Variants in PEAK1 observed in about 807,000 individuals in gnomAD.
PEAK1 encodes pseudopodium enriched atypical kinase 1, also known as inactive tyrosine-protein kinase PEAK1.
In PEAK1, 54 loss-of-function variants were observed where a neutral mutation model predicts 124.7. The ratio of observed to expected loss-of-function variants is 0.43; its 90% CI spans 0.35 to 0.54. PEAK1 has a LOEUF of 0.54. Among genes scored for constraint, PEAK1 ranks in the 20% least tolerant of loss-of-function variants. The pLI, the probability that PEAK1 is intolerant of heterozygous loss-of-function variation, is 0.01. For missense variants in PEAK1, 2,046 were observed against 2,134.5 expected (o/e 0.96, Z 0.82); for synonymous variants, 719 against 760.0 (o/e 0.95, Z 0.89).
chr15:77,347,085 G>A (rs2066915443), intron 2 of PEAK1: 1 of 443,126 alleles, frequency 2.3e-6, no homozygotes, highest in Non-Finnish European at 3.0e-6. Context: ...TCCTTGCAGA[G>A]GGACAAGGAG....
intron 1 of PEAK1, among the ~76,000 whole-genome samples, chr15:77,376,409 C>T (rs527264300): frequency 2.0e-5 from 3 of 152,246 alleles, no homozygotes; most frequent in East Asian, 1.9e-4. Context: ...GAAGTACCTG[C>T]TCTTGAGGTT....
At chr15:77,196,408 T>C (rs1427147113) in intron 6 of PEAK1, among the ~76,000 whole-genome samples, 1 of 152,248 alleles carries the variant, frequency 6.6e-6, no homozygotes, top group Non-Finnish European at 1.5e-5. Flanking sequence ...TAGCTCCTCA[T>C]ACTCATCACT....
intron 2 of PEAK1, among the ~76,000 whole-genome samples, chr15:77,314,792 G>C (rs893075996): frequency 3.9e-5 from 6 of 152,160 alleles, no homozygotes; most frequent in Non-Finnish European, 7.3e-5. Flanking sequence ...TAAATGTACA[G>C]AGTAACGTAT....
At chr15:77,316,636 T>TC (rs2064893324) in intron 2 of PEAK1, among the ~76,000 whole-genome samples, 1 of 152,170 alleles carries the variant, frequency 6.6e-6, no homozygotes, top group Non-Finnish European at 1.5e-5. Context: ...CATCGTAGTT[T>TC]CCCCACCATG....
intron 6 of PEAK1, among the ~76,000 whole-genome samples, chr15:77,240,787 T>G (rs1385232374): frequency 6.6e-6 from 1 of 152,112 alleles, no homozygotes; most frequent in East Asian, 1.9e-4. Context: ...CAATATATAT[T>G]AACATAGTAA....
intron 2 of PEAK1, chr15:77,337,872 C>T (rs907801263): frequency 4.1e-6 from 4 of 985,130 alleles, no homozygotes; most frequent in Admixed American, 6.2e-5. Context: ...AAATCAATTC[C>T]CTTGTCATAT....
In PEAK1 at chr15:77,114,385, C is replaced by A; in HGVS notation, c.5012G>T (p.Arg1671Leu). 1 of 1,614,118 alleles carries A rather than the reference C, an allele frequency of 6.2e-7. No homozygotes were observed. The highest frequency in any genetic ancestry group is 8.5e-7 in the Non-Finnish European group (1 of 1,180,006). Residue 1671 changes from arginine to leucine, a missense_variant, in exon 10 of 10, where the codon CGC (arginine) becomes CTC (leucine). Coordinates refer to ENST00000682557, the MANE Select transcript of PEAK1 (RefSeq NM_001385026.1). ...GILQCLLWGPREDLFQTFTAC... is the reference protein window; with the variant it reads ...GILQCLLWGPLEDLFQTFTAC... ...GGTGAAAGTCTGGAAGAGATCTTCG[C>A]GGGGGCCCCAGAGCAGACACTGGAG...
chr15:77,411,685 A>G (rs147544834), intron 1 of PEAK1, among the ~76,000 whole-genome samples: 1 of 152,258 alleles, frequency 6.6e-6, no homozygotes, highest in Non-Finnish European at 1.5e-5. Context: ...AGCTCACTGC[A>G]GCCTTGAACT....
At chr15:77,353,147 G>C (rs868517682) in intron 2 of PEAK1, among the ~76,000 whole-genome samples, 4 of 152,116 alleles carry the variant, frequency 2.6e-5, no homozygotes, top group Admixed American at 6.5e-5. Flanking sequence ...GAAACTCCTC[G>C]GCTATTCTGT....
At chr15:77,166,235 A>C (rs1051318296) in intron 7 of PEAK1, among the ~76,000 whole-genome samples, 1 of 152,214 alleles carries the variant, frequency 6.6e-6, no homozygotes, top group Non-Finnish European at 1.5e-5. Context: ...AATCACTACC[A>C]CCACTATCCC....
At chr15:77,352,577 T>A in intron 2 of PEAK1, 2 of 941,212 alleles carry the variant, frequency 2.1e-6, no homozygotes, top group Non-Finnish European at 2.5e-6. Flanking sequence ...TTTTTTAATA[T>A]ATATAAAACT....
chr15:77,349,330 C>T (rs372612282), intron 2 of PEAK1: 29 of 979,074 alleles, frequency 3.0e-5, no homozygotes, highest in Admixed American at 2.5e-4. Flanking sequence ...TGAGCCACCG[C>T]GCCCGGCCTC....
At chr15:77,165,151 T>C (rs2078649942) in intron 7 of PEAK1, among the ~76,000 whole-genome samples, 1 of 151,984 alleles carries the variant, frequency 6.6e-6, no homozygotes, top group Non-Finnish European at 1.5e-5. Flanking sequence ...TCCACCTACC[T>C]TGGCCTCCCA....
intron 5 of PEAK1, among the ~76,000 whole-genome samples, chr15:77,274,841 T>G (rs1443192629): frequency 2.6e-5 from 4 of 152,078 alleles, no homozygotes; most frequent in Non-Finnish European, 5.9e-5. Flanking sequence ...AAAAAGGTCA[T>G]TATACAAAAA....
chr15:77,355,421 CTG>C (rs2067459280), intron 2 of PEAK1, among the ~76,000 whole-genome samples: 1 of 152,136 alleles, frequency 6.6e-6, no homozygotes, highest in African/African-American at 2.4e-5. Flanking sequence ...GCAAGAATGA[CTG>C]TTCAGATTAG....
At chr15:77,342,266 T>C (rs1372769900) in intron 2 of PEAK1, among the ~76,000 whole-genome samples, 1 of 151,998 alleles carries the variant, frequency 6.6e-6, no homozygotes, top group Non-Finnish European at 1.5e-5. Context: ...TCTCCAGAAC[T>C]TTTTTATCAT....
At chr15:77,291,709 G>A (rs753361561) in intron 2 of PEAK1, among the ~76,000 whole-genome samples, 38 of 152,186 alleles carry the variant, frequency 2.5e-4, no homozygotes, top group Non-Finnish European at 4.4e-4. Flanking sequence ...CAGGCGCGGT[G>A]GCTCACGCCT....
At chr15:77,310,701 T>A (rs991071869) in intron 2 of PEAK1, among the ~76,000 whole-genome samples, 1 of 152,168 alleles carries the variant, frequency 6.6e-6, no homozygotes, top group Admixed American at 6.5e-5. Context: ...CTCTACTATA[T>A]AAGTTTATGC....
At chr15:77,264,463 GACAA>G (rs1255904974) in intron 5 of PEAK1, among the ~76,000 whole-genome samples, 2 of 152,112 alleles carry the variant, frequency 1.3e-5, no homozygotes, top group East Asian at 1.9e-4. Flanking sequence ...ACCAATAACA[GACAA>G]ACAGAGAGCC....
Sources: gnomAD v4.1 joint callset for allele counts (sites outside exome capture counted in the v4.1 genomes callset) on GRCh38, gnomAD v4.1.1 for gene constraint, MANE v1.5 for transcripts, NCBI Gene and HGNC (gene_info 2026-07-23, HGNC 2026-07-21) for gene names.